Variants in NR1D2 observed in about 807,000 individuals in gnomAD.
NR1D2 encodes nuclear receptor subfamily 1 group D member 2.
NR1D2 carries 25 observed loss-of-function variants against 52.2 expected under a neutral mutation model. That is an observed-to-expected ratio of 0.48 (90% CI 0.35 to 0.67). NR1D2 has a LOEUF of 0.67. NR1D2 is among the 30% of genes least tolerant of loss of function. The pLI is 0.01. For synonymous variants in NR1D2, 259 were observed against 230.1 expected, an observed-to-expected ratio of 1.13 and a Z score of -1.14; for missense variants, 681 against 707.2, an observed-to-expected ratio of 0.96 and a Z score of 0.42.
intron 1 of NR1D2, 66 bp downstream of exon 1, chr3:23,945,660 T>C (rs1242518229): frequency 3.9e-6 from 1 of 255,290 alleles, no homozygotes. Flanking sequence ...CGGGGCACTT[T>C]GGGGGGCGGC....
rs1456619765 is a variant in NR1D2 at position 23,979,977 on chromosome 3, A to G, written c.*2558A>G. 1 of 152,136 alleles carries G rather than the reference A, an allele frequency of 6.6e-6. No individual in the cohort carries two copies. Among genetic ancestry groups the G allele is most frequent in the African/African-American group, 2.4e-5 (1 of 41,456 alleles). 9.4% of individuals were successfully genotyped at this position (152,136 alleles called of 1,614,324 possible). A position where few individuals can be genotyped will look rare whatever the true frequency, so the allele number is the denominator to read the frequency against. On this transcript the variant is annotated 3_prime_UTR_variant, in exon 8 of 8. Coordinates refer to ENST00000312521, the MANE Select transcript of NR1D2 (RefSeq NM_005126.5). ...ATTTTTTTTCCTGTGCTTTTAATGT[A>G]TCTCTTTACATGATCTGAGAGAGGA...
At chr3:23,957,020 T>C (rs1344724981) in intron 3 of NR1D2, among the ~76,000 whole-genome samples, 1 of 152,112 alleles carries the variant, frequency 6.6e-6, no homozygotes, top group Non-Finnish European at 1.5e-5. Context: ...TTTGCTCTTA[T>C]TTCCCAGGCT....
intron 5 of NR1D2, chr3:23,963,458 G>GT (rs113226787): frequency 0.13 from 108,498 of 862,292 alleles, 47 homozygotes; most frequent in South Asian, 0.2. Context: ...TTGCTTTTTT[G>GT]TTTTTTTTTT....
intron 7 of NR1D2, among the ~76,000 whole-genome samples, chr3:23,972,164 ATC>A (rs1310536371): frequency 1.3e-5 from 2 of 152,172 alleles, no homozygotes; most frequent in African/African-American, 4.8e-5. Context: ...TAATTTCTAT[ATC>A]TCATTATATT....
At chr3:23,959,620 A>T in intron 3 of NR1D2, 51 bp from the exon 4 acceptor site, 1 of 1,569,016 alleles carries the variant, frequency 6.4e-7, no homozygotes, top group Non-Finnish European at 8.7e-7. Flanking sequence ...GTTTATAAGA[A>T]GTTCATTTGG....
In NR1D2 at chr3:23,978,846, C is replaced by T. The variant is rs1706807782; in HGVS notation, c.*1427C>T. Reference sequence around the variant, plus strand: ...GGCTTAGAAATGGTATAGTCAAAGACATTTTATCCACATTTCTAATAGTGG... The same window carrying T: ...GGCTTAGAAATGGTATAGTCAAAGATATTTTATCCACATTTCTAATAGTGG... On this transcript the variant is annotated 3_prime_UTR_variant, in exon 8 of 8. Transcript: ENST00000312521. The T allele has an allele frequency of 6.6e-6, 1 of 151,972 alleles. No homozygotes were observed. Among genetic ancestry groups the T allele is most frequent in the African/African-American group, 2.4e-5 (1 of 41,374 alleles). 9.4% of individuals were successfully genotyped at this position (151,972 alleles called of 1,614,324 possible).
chr3:23,966,510 G>A (rs961946782), intron 6 of NR1D2, among the ~76,000 whole-genome samples: 2 of 152,198 alleles, frequency 1.3e-5, no homozygotes, highest in African/African-American at 2.4e-5. Context: ...TTTTACTTAA[G>A]GCATAGAGGC....
intron 4 of NR1D2, among the ~76,000 whole-genome samples, chr3:23,961,736 C>T (rs926615376): frequency 1.3e-5 from 2 of 152,050 alleles, no homozygotes; most frequent in Admixed American, 1.3e-4. Flanking sequence ...TTATAAAATA[C>T]CTAGGAGGTA....
At chr3:23,958,339 T>C (rs1449445236) in intron 3 of NR1D2, among the ~76,000 whole-genome samples, 1 of 152,078 alleles carries the variant, frequency 6.6e-6, no homozygotes, top group African/African-American at 2.4e-5. Context: ...TATTTCTCAG[T>C]CCACTTTTTA....
rs1490482056 is a variant in NR1D2, at chr3:23,980,388, A to C, written c.*2969A>C. On this transcript the variant is annotated 3_prime_UTR_variant, in exon 8 of 8. Coordinates refer to ENST00000312521, the MANE Select transcript of NR1D2 (RefSeq NM_005126.5). ...TGTTAGGAAACTGTTACCTATAAAC[A>C]AAGATTGACTGGATTCGATCCAAAA... The C allele has an allele frequency of 6.6e-6, 1 of 151,980 alleles. No individual in the cohort carries two copies. The highest frequency in any genetic ancestry group is 1.5e-5 in the Non-Finnish European group (1 of 67,972). 9.4% of individuals were successfully genotyped at this position (151,980 alleles called of 1,614,324 possible).
intron 5 of NR1D2, 91 bp from the exon 6 acceptor site, chr3:23,964,886 A>G: frequency 1.2e-6 from 1 of 848,990 alleles, no homozygotes; most frequent in Admixed American, 2.5e-5. Flanking sequence ...GGTTAAATTC[A>G]TGTTGGGGTT....
At chr3:23,967,737 A>G in intron 6 of NR1D2, 76 bp from the exon 7 acceptor site, 1 of 1,148,752 alleles carries the variant, frequency 8.7e-7, no homozygotes, top group Non-Finnish European at 1.2e-6. Flanking sequence ...TTCATAACTG[A>G]CTTGATTGAA....
At chr3:23,958,853 G>A (rs547290430) in intron 3 of NR1D2, among the ~76,000 whole-genome samples, 13 of 152,294 alleles carry the variant, frequency 8.5e-5, no homozygotes, top group Middle Eastern at 3.4e-3. Context: ...GGAGGCTGAG[G>A]CAGGAGAATC....
intron 7 of NR1D2, among the ~76,000 whole-genome samples, chr3:23,969,446 G>A (rs1345070175): frequency 5.9e-5 from 9 of 152,156 alleles, no homozygotes; most frequent in Admixed American, 3.9e-4. Flanking sequence ...ATATGACGTG[G>A]GAGTAGTATG....
intron 7 of NR1D2, among the ~76,000 whole-genome samples, chr3:23,973,129 A>G (rs1431255772): frequency 6.6e-6 from 1 of 152,114 alleles, no homozygotes; most frequent in Non-Finnish European, 1.5e-5. Flanking sequence ...TTGCCCACCT[A>G]GATTATTTTG....
At chr3:23,954,976 C>T (rs1189860709) in intron 2 of NR1D2, among the ~76,000 whole-genome samples, 173 bp downstream of exon 2, 1 of 152,200 alleles carries the variant, frequency 6.6e-6, no homozygotes, top group African/African-American at 2.4e-5. Context: ...GAAGTTATAA[C>T]CTAGGGGCTG....
At chr3:23,955,521 A>G (rs1310434439) in intron 2 of NR1D2, among the ~76,000 whole-genome samples, 2 of 152,210 alleles carry the variant, frequency 1.3e-5, no homozygotes, top group African/African-American at 4.8e-5. Context: ...CAGTGCCATA[A>G]GTTGTATTTA....
In NR1D2 at chr3:23,967,912, G is replaced by A. The variant is rs1706493167; in HGVS notation, c.1432G>A (p.Gly478Arg). 1 of 1,613,086 alleles carries A rather than the reference G, an allele frequency of 6.2e-7. No individual in the cohort carries two copies. Among genetic ancestry groups the A allele is most frequent in the Non-Finnish European group, 8.5e-7 (1 of 1,179,204 alleles). The change falls in exon 7 of 8, where the codon GGA becomes AGA. Residue 478 changes from glycine (G) to arginine (R), a missense_variant. Gly to Arg is a moderately radical substitution (Grantham distance 125). Around this residue, in one of 3 missense-constraint regions of NR1D2, gnomAD observed 475 missense variants for 454.5 expected, o/e 1.05. Transcript: ENST00000312521. ...KYSVDDLHSM[G>R]AGDLLNSMFE... ...TAGTGTGGATGATTTACACTCAATG[G>A]GAGCAGGGGATCTGCTAAACTCTAT...
intron 7 of NR1D2, among the ~76,000 whole-genome samples, chr3:23,973,853 C>T (rs1394608347): frequency 6.6e-6 from 1 of 151,812 alleles, no homozygotes; most frequent in Non-Finnish European, 1.5e-5. Context: ...TTATTTACTT[C>T]TTAAACTTTA....
Sources: allele counts gnomAD v4.1 joint callset (sites outside exome capture counted in the v4.1 genomes callset), GRCh38; gene constraint gnomAD v4.1.1; regional missense constraint gnomAD v4.1.1; transcripts MANE v1.5; gene names NCBI Gene and HGNC (gene_info 2026-07-23, HGNC 2026-07-21).